Variants in PTPRT observed in about 807,000 individuals in gnomAD.
The protein encoded by PTPRT is protein tyrosine phosphatase receptor type T.
Under a neutral mutation model 176.8 loss-of-function variants are expected in PTPRT, and 56 were observed. The observed-to-expected ratio is 0.32, with a 90% CI of 0.26 to 0.40. The LOEUF (loss-of-function observed/expected upper bound fraction) is 0.40. Among genes scored for constraint, PTPRT ranks in the 10% least tolerant of loss-of-function variants. The pLI is 1.00. For synonymous variants in PTPRT, 783 were observed against 739.0 expected (o/e 1.06, Z -0.96); for missense variants, 1,540 against 1,908.2 (o/e 0.81, Z 3.60).
chr20:42,138,608 C>T (rs192784435), intron 18 of PTPRT, among the ~76,000 whole-genome samples: 22 of 152,192 alleles, frequency 1.4e-4, no homozygotes, highest in Non-Finnish European at 2.8e-4. Context: ...CTAGGAAGCA[C>T]CTCTAAAACT....
At chr20:43,145,919 G>C (rs558327353) in intron 1 of PTPRT, among the ~76,000 whole-genome samples, 4 of 152,268 alleles carry the variant, frequency 2.6e-5, no homozygotes, top group African/African-American at 7.2e-5. Context: ...AGAGTCTGTT[G>C]ATTAAAGATC....
intron 1 of PTPRT, among the ~76,000 whole-genome samples, chr20:43,133,323 C>T (rs560310163): frequency 1.3e-5 from 2 of 152,228 alleles, no homozygotes; most frequent in African/African-American, 4.8e-5. Flanking sequence ...AGAAAGACTT[C>T]GGACTGAGGG....
At chr20:42,578,439 T>C (rs1024425311) in intron 7 of PTPRT, among the ~76,000 whole-genome samples, 3 of 152,124 alleles carry the variant, frequency 2.0e-5, no homozygotes, top group African/African-American at 7.2e-5. Flanking sequence ...TCCAAAGCCT[T>C]TCCACTGTCT....
intron 9 of PTPRT, among the ~76,000 whole-genome samples, chr20:42,370,648 G>A (rs927099094): frequency 2.0e-5 from 3 of 152,126 alleles, no homozygotes; most frequent in African/African-American, 7.2e-5. Flanking sequence ...GTCAGAATGG[G>A]GAATAACTGA....
chr20:42,560,920 C>T (rs1192692348), intron 7 of PTPRT, among the ~76,000 whole-genome samples: 3 of 152,154 alleles, frequency 2.0e-5, no homozygotes, highest in African/African-American at 7.2e-5. Context: ...CACAGGGACA[C>T]TGCTCCCTCC....
At chr20:42,946,429 A>G (rs1980887403) in intron 1 of PTPRT, among the ~76,000 whole-genome samples, 1 of 152,224 alleles carries the variant, frequency 6.6e-6, no homozygotes, top group South Asian at 2.1e-4. Context: ...AGAAAACCAA[A>G]CCCAGAAATC....
chr20:42,136,153 G>T (rs1568960852), intron 18 of PTPRT, among the ~76,000 whole-genome samples: 1 of 151,778 alleles, frequency 6.6e-6, no homozygotes. Context: ...AAGAGGTGGG[G>T]CTGGGGAGAG....
chr20:42,331,649 G>T lies in PTPRT; in HGVS notation c.1866-15653C>A, dbSNP rs527889740. ...ACCTACTGTTGAGGATTGCAGAAGT[G>T]CAATGAGGTGAAAATCGTGTATGCA... On this transcript the variant is annotated intron_variant, in intron 11 of 30. Coordinates refer to ENST00000373187, the MANE Select transcript of PTPRT (RefSeq NM_007050.6). 4.6e-5 allele frequency among the ~76,000 whole-genome samples: 7 copies of T among 152,278 alleles called. No homozygotes were observed. In the South Asian group the frequency reaches 1.4e-3, roughly 32 times the overall value.
intron 15 of PTPRT, among the ~76,000 whole-genome samples, chr20:42,204,364 C>A (rs6102728): frequency 0.25 from 37,378 of 151,994 alleles, 5,637 homozygotes; most frequent in African/African-American, 0.41. Flanking sequence ...ATGGAATTCT[C>A]AGAGCCTTCA....
intron 1 of PTPRT, among the ~76,000 whole-genome samples, chr20:42,942,557 G>A (rs2145995861): frequency 6.6e-6 from 1 of 152,290 alleles, no homozygotes; most frequent in South Asian, 2.1e-4. Flanking sequence ...GACTAAGAGT[G>A]AAAGGAGAGC....
intron 4 of PTPRT, among the ~76,000 whole-genome samples, chr20:42,779,054 G>C (rs2077177844): frequency 6.6e-6 from 1 of 152,202 alleles, no homozygotes; most frequent in South Asian, 2.1e-4. Context: ...TTCGGAACTT[G>C]TAATGTGTTC....
chr20:42,329,504 TACACAC>T lies in PTPRT; in HGVS notation c.1866-13514_1866-13509del, dbSNP rs1254341273. 5.6e-3 allele frequency among the ~76,000 whole-genome samples: 676 copies of T among 121,232 alleles called. 7 individuals are homozygous for T. The highest frequency in any genetic ancestry group is 0.018 in the African/African-American group (624 of 34,014). The allele number at this position is 121,232 out of a possible 152,430, so 79.5% of individuals were successfully genotyped here. On this transcript the variant is annotated intron_variant, in intron 11 of 30. Coordinates refer to ENST00000373187, the MANE Select transcript of PTPRT (RefSeq NM_007050.6). ...ACACACACACACACACACACACACA[TACACAC>T]ACACACACACACACAGGCAACATCA...
chr20:42,855,915 C>T (rs976534866), intron 2 of PTPRT, among the ~76,000 whole-genome samples: 3 of 152,130 alleles, frequency 2.0e-5, no homozygotes, highest in Admixed American at 6.6e-5. Context: ...TTCCCAGAGC[C>T]ATTCTGGGAA....
intron 5 of PTPRT, 74 bp downstream of exon 5, chr20:42,771,361 A>G: frequency 7.6e-7 from 1 of 1,311,164 alleles, no homozygotes; most frequent in Non-Finnish European, 1.1e-6. Flanking sequence ...GTTGCCATAG[A>G]GCTGCTTCCT....
At chr20:43,086,658 TC>T (rs1286717651) in intron 1 of PTPRT, among the ~76,000 whole-genome samples, 1 of 152,210 alleles carries the variant, frequency 6.6e-6, no homozygotes, top group African/African-American at 2.4e-5. Context: ...AACATAATCT[TC>T]CTTTGAGGAT....
At chr20:42,871,314 T>C (rs1209443265) in intron 2 of PTPRT, among the ~76,000 whole-genome samples, 2 of 8,794 alleles carry the variant, frequency 2.3e-4, no homozygotes, top group Non-Finnish European at 4.3e-4. Flanking sequence ...TCAGCCCTTT[T>C]TAAAAAAAAA....
At chr20:42,362,709 C>T (rs576082465) in intron 9 of PTPRT, among the ~76,000 whole-genome samples, 1 of 152,204 alleles carries the variant, frequency 6.6e-6, no homozygotes, top group East Asian at 1.9e-4. Flanking sequence ...AGTCACTATC[C>T]TGTGGTTATA....
intron 7 of PTPRT, among the ~76,000 whole-genome samples, chr20:42,529,440 TATC>T (rs945225475): frequency 6.6e-5 from 10 of 152,142 alleles, no homozygotes; most frequent in Non-Finnish European, 1.5e-4. Flanking sequence ...TGATAACAGG[TATC>T]ATCAAGTCTG....
chr20:42,125,302 A>T (rs1468098551), intron 19 of PTPRT, among the ~76,000 whole-genome samples: 8 of 152,230 alleles, frequency 5.3e-5, no homozygotes, highest in African/African-American at 1.9e-4. Context: ...GGGTGGCATC[A>T]TTATCTCATT....
Sources: allele counts gnomAD v4.1 joint callset (sites outside exome capture counted in the v4.1 genomes callset), GRCh38; gene constraint gnomAD v4.1.1; transcripts MANE v1.5; gene names NCBI Gene and HGNC (gene_info 2026-07-23, HGNC 2026-07-21).